The following DAZL variants were observed in gnomAD, a reference collection of about 807,000 sequenced individuals.
DAZL encodes deleted in azoospermia like.
Under a neutral mutation model 45.0 loss-of-function variants are expected in DAZL, and 4 were observed. The ratio of observed to expected loss-of-function variants is 0.09; its 90% CI spans 0.04 to 0.20. The LOEUF (loss-of-function observed/expected upper bound fraction) is 0.20, where lower values mean the gene tolerates loss of function less well. Ranked by LOEUF, DAZL falls within the 10% of genes least tolerant of loss-of-function variation. DAZL has a pLI of 1.00. For missense variants in DAZL, 326 were observed against 351.3 expected (o/e 0.93, Z 0.58); for synonymous variants, 122 against 112.4 (o/e 1.09, Z -0.54).
At chr3:16,604,691 T>C (rs1418891040) in intron 1 of DAZL, 2 of 1,352,344 alleles carry the variant, frequency 1.5e-6, no homozygotes, top group Non-Finnish European at 1.9e-6. Flanking sequence ...GCCCTCGAAG[T>C]TTAAGAAGGC....
In DAZL at chr3:16,588,438, A is replaced by C. The variant is rs1259231243; in HGVS notation, c.*222T>G. 3 of 386,044 alleles carry C rather than the reference A, an allele frequency of 7.8e-6. No homozygotes were observed. Among genetic ancestry groups the C allele is most frequent in the African/African-American group, 4.1e-5 (2 of 49,082 alleles). 23.9% of individuals were successfully genotyped at this position (386,044 alleles called of 1,614,324 possible). ...ATAAATCTTAGTTTCTTTCAGTCTC[A>C]ATTATTTTTTTACTTTCAACTATAT... On this transcript the variant is annotated 3_prime_UTR_variant, in exon 11 of 11. Coordinates refer to ENST00000399444, the MANE Select transcript of DAZL (RefSeq NM_001351.4).
In DAZL at chr3:16,605,304, C is replaced by G. The variant is rs916864755; in HGVS notation, c.-99G>C. On this transcript the variant is annotated 5_prime_UTR_variant, in exon 1 of 11. Coordinates refer to ENST00000399444, the MANE Select transcript of DAZL (RefSeq NM_001351.4). ...CTGCTGTGAGGTCCGCTGGAACCCGCTGCGCGGCTTCGAGTGGTCAAAGGA... is the reference window on the plus strand; with the variant it reads ...CTGCTGTGAGGTCCGCTGGAACCCGGTGCGCGGCTTCGAGTGGTCAAAGGA... 6.8e-7 allele frequency: 1 copy of G among 1,471,230 alleles called. No individual in the cohort carries two copies. 91.1% of individuals were successfully genotyped at this position (1,471,230 alleles called of 1,614,324 possible).
intron 10 of DAZL, among the ~76,000 whole-genome samples, chr3:16,591,459 T>C (rs1483400061): frequency 6.6e-6 from 1 of 151,092 alleles, no homozygotes; most frequent in Non-Finnish European, 1.5e-5. Flanking sequence ...AGACAAGGTC[T>C]CACTCTGTTG....
chr3:16,603,946 C>G (rs1406325879), intron 1 of DAZL, among the ~76,000 whole-genome samples: 1 of 152,048 alleles, frequency 6.6e-6, no homozygotes, highest in Non-Finnish European at 1.5e-5. Context: ...CGATTGTTTT[C>G]AAATGAGTAA....
intron 1 of DAZL, among the ~76,000 whole-genome samples, chr3:16,602,946 A>C (rs1180822692): frequency 6.6e-6 from 1 of 152,210 alleles, no homozygotes; most frequent in Admixed American, 6.5e-5. Flanking sequence ...TTTATGAATC[A>C]ATACAAATAA....
intron 1 of DAZL, among the ~76,000 whole-genome samples, chr3:16,603,580 CAA>C (rs1694725642): frequency 6.6e-6 from 1 of 152,096 alleles, no homozygotes; most frequent in African/African-American, 2.4e-5. Context: ...CTCCTGACCT[CAA>C]GTGATCCACC....
At chr3:16,598,649 A>C (rs1029077947) in intron 1 of DAZL, 51 bp from the exon 2 acceptor site, 1 of 1,531,696 alleles carries the variant, frequency 6.5e-7, no homozygotes, top group Non-Finnish European at 8.8e-7. Flanking sequence ...AAAAACCTAT[A>C]CATAATGTGA....
At chr3:16,592,437 G>A (rs571458461) in intron 9 of DAZL, among the ~76,000 whole-genome samples, 4 of 151,730 alleles carry the variant, frequency 2.6e-5, no homozygotes, top group East Asian at 3.9e-4. Flanking sequence ...GCATAGTGGC[G>A]GGTGCCTGTA....
intron 5 of DAZL, 32 bp downstream of exon 5, chr3:16,596,956 G>A (rs1694609624): frequency 6.2e-7 from 1 of 1,612,400 alleles, no homozygotes; most frequent in Non-Finnish European, 8.5e-7. Flanking sequence ...TTTCTTTTAT[G>A]TTTAAAAAGA....
chr3:16,602,109 T>C (rs1345635763), intron 1 of DAZL, among the ~76,000 whole-genome samples: 2 of 152,088 alleles, frequency 1.3e-5, no homozygotes, highest in Admixed American at 6.5e-5. Context: ...CAAGAGTAGA[T>C]TCTTGGGGAG....
In DAZL at chr3:16,599,974, T is replaced by C. The variant is rs9840101; in HGVS notation, c.4-1376A>G. ...AGTGGTATATCAATATAAGTTAGTG[T>C]CCTGTTATTTGAATTTATTTTCAGA... is the stretch of plus-strand genomic sequence containing the variant. On this transcript the variant is annotated intron_variant, in intron 1 of 10. Transcript: ENST00000399444. 6.4e-3 allele frequency among the ~76,000 whole-genome samples: 978 copies of C among 152,328 alleles called. 11 individuals carry two copies. Among genetic ancestry groups the C allele is most frequent in the African/African-American group, 0.021 (889 of 41,574 alleles).
intron 10 of DAZL, among the ~76,000 whole-genome samples, chr3:16,591,601 GTT>G (rs1694519372): frequency 6.6e-6 from 1 of 151,768 alleles, no homozygotes; most frequent in Admixed American, 6.6e-5. Context: ...AACTGGCTAA[GTT>G]TTGTATTTTT....
chr3:16,597,003 T>G lies in DAZL; in HGVS notation c.343A>C (p.Arg115=), dbSNP rs770279737. 1 of 1,612,502 alleles carries G rather than the reference T, an allele frequency of 6.2e-7. No individual in the cohort carries two copies. Among genetic ancestry groups the G allele is most frequent in the South Asian group, 1.1e-5 (1 of 90,998 alleles). The change falls in exon 5 of 11, where the codon AGG becomes CGG. Residue 115 remains arginine (R), a synonymous_variant. Coordinates refer to ENST00000399444, the MANE Select transcript of DAZL (RefSeq NM_001351.4). ...GKKLKLGPAI[R]KQNLCAYHVQ... ...TTGTACTCACATAAATTTTGTTTCC[T>G]GATTGCAGGGCCCAGCTTCAGCTTT...
chr3:16,602,470 AAC>A (rs1304737979), intron 1 of DAZL, among the ~76,000 whole-genome samples: 3 of 152,164 alleles, frequency 2.0e-5, no homozygotes, highest in Admixed American at 2.0e-4. Context: ...AAAGACAGAA[AAC>A]ACAGAAGAGG....
chr3:16,596,441 C>A (rs1016678534), intron 6 of DAZL, among the ~76,000 whole-genome samples: 2 of 151,976 alleles, frequency 1.3e-5, no homozygotes, highest in Admixed American at 1.3e-4. Context: ...ATATACTAGA[C>A]AGACACATAA....
rs1369954824 is a variant in DAZL at position 16,598,585 on chromosome 3, G to A, written c.17C>T (p.Pro6Leu). 1.3e-6 allele frequency: 2 copies of A among 1,597,218 alleles called. No individual in the cohort carries two copies. Among genetic ancestry groups the A allele is most frequent in the Admixed American group, 3.3e-5 (2 of 59,936 alleles). ...GGAGATGGTTGAGTTTGGAGTTTCA[G>A]GATTTGCAGTAGACTGTAATTTGGA... MSTAN[P>L]ETPNSTISRE... Residue 6 changes from proline (P) to leucine (L), a missense_variant, in exon 2 of 11, where the codon CCT becomes CTT. Pro to Leu is a moderately conservative substitution (Grantham distance 98, BLOSUM62 -3). Around this residue, in one of 3 missense-constraint regions of DAZL, gnomAD observed 81 missense variants for 89.6 expected, o/e 0.90. Coordinates refer to ENST00000399444, the MANE Select transcript of DAZL (RefSeq NM_001351.4).
At position 16,598,457 on chromosome 3, in the gene DAZL, C is replaced by T; in HGVS notation, c.145G>A (p.Val49Ile). Residue 49 changes from valine to isoleucine, a missense_variant, in exon 2 of 11, where the codon GTT becomes ATT. Physicochemically the swap from Val to Ile is conservative, Grantham distance 29. Transcript: ENST00000399444. The part of the protein sequence containing the change: ...PNTVFVGGID[V>I]RMDETEIRSF... ...ATGAGGTATGAATACAATACCCTAA[C>T]ATCAATTCCTCCAACAAAAACAGTG... is the stretch of plus-strand genomic sequence containing the variant. 1.2e-6 allele frequency: 2 copies of T among 1,608,018 alleles called. No homozygotes were observed. The highest frequency in any genetic ancestry group is 1.3e-5 in the African/African-American group (1 of 74,938).
At chr3:16,598,355 C>T in intron 2 of DAZL, 97 bp downstream of exon 2, 1 of 1,523,078 alleles carries the variant, frequency 6.6e-7, no homozygotes, top group Non-Finnish European at 9.0e-7. Context: ...AATTCTAAAC[C>T]TCCATGAAGT....
chr3:16,598,191 A>G lies in DAZL; in HGVS notation c.151-13T>C, dbSNP rs1575418512. 6.4e-7 allele frequency: 1 copy of G among 1,572,204 alleles called. No homozygotes were observed. The highest frequency in any genetic ancestry group is 8.7e-7 in the Non-Finnish European group (1 of 1,145,214). ...CAGTTTCATCCATCTATGGAAAAGA[A>G]TTGAACTTCAAGAGTAAAAATTCAG... On this transcript the variant is annotated splice_polypyrimidine_tract_variant and intron_variant, in intron 2 of 10. Coordinates refer to ENST00000399444, the MANE Select transcript of DAZL (RefSeq NM_001351.4).
Sources: gnomAD v4.1 joint callset for allele counts (sites outside exome capture counted in the v4.1 genomes callset) on GRCh38, gnomAD v4.1.1 for gene constraint, gnomAD v4.1.1 regional missense constraint, MANE v1.5 for transcripts, NCBI Gene and HGNC (gene_info 2026-07-23, HGNC 2026-07-21) for gene names.